Variants in NEURL2 observed in about 807,000 individuals in gnomAD.
The protein encoded by NEURL2 is neuralized-like protein 2.
In NEURL2, 16 loss-of-function variants were observed where a neutral mutation model predicts 15.9. That is an observed-to-expected ratio of 1.01 (90% CI 0.68 to 1.53). The LOEUF is 1.53. Among genes scored for constraint, NEURL2 ranks in the 40% most tolerant of loss-of-function variants. NEURL2 has a pLI of 0.00. For missense variants in NEURL2, 393 were observed against 407.8 expected, an observed-to-expected ratio of 0.96 and a Z score of 0.31; for synonymous variants, 188 against 178.3, an observed-to-expected ratio of 1.05 and a Z score of -0.43.
In NEURL2 at chr20:45,890,454, C is replaced by A; in HGVS notation, c.538G>T (p.Val180Leu). The change falls in exon 1 of 2, where the codon GTG becomes TTG. Residue 180 changes from valine (V) to leucine (L), a missense_variant. Coordinates refer to ENST00000372518, the MANE Select transcript of NEURL2 (RefSeq NM_080749.4). ...CTACGGCGCGCGGTCGGAGGCAGCA[C>A]GTTCAGCTCATAGAGCTGGTCCAAG... ...HLLDQLYELN[V>L]LPPTARRSRL... 6.2e-7 allele frequency: 1 copy of A among 1,606,380 alleles called. No individual in the cohort carries two copies. The highest frequency in any genetic ancestry group is 8.5e-7 in the Non-Finnish European group (1 of 1,176,352).
chr20:45,889,639 A>G (rs1283253802), intron 1 of NEURL2, among the ~76,000 whole-genome samples: 1 of 129,796 alleles, frequency 7.7e-6, no homozygotes, highest in Non-Finnish European at 1.7e-5. Context: ...TTTTTTTCAG[A>G]GTCTTGCTCT....
Position 45,890,212 on chromosome 20 carries a change from C to T in NEURL2, c.742+38G>A, listed in dbSNP as rs202234798. The T allele has an allele frequency of 9.7e-4, 1,557 of 1,612,850 alleles. 1 individual carries two copies. Among genetic ancestry groups the T allele is most frequent in the Non-Finnish European group, 1.2e-3 (1,369 of 1,179,214 alleles). On this transcript the variant is annotated intron_variant, in intron 1 of 1. Coordinates refer to ENST00000372518, the MANE Select transcript of NEURL2 (RefSeq NM_080749.4). ...GAGCCCTAGTAGATTCCAGTCCCCA[C>T]ACTGAGCCAGGAGGGGTCGCTGCCC...
chr20:45,888,945 G>C, intron 1 of NEURL2, 72 bp from the exon 2 acceptor site: 1 of 1,577,372 alleles, frequency 6.3e-7, no homozygotes, highest in Non-Finnish European at 8.7e-7. Flanking sequence ...AGAAGGTCTA[G>C]GTCATGGTCC....
rs370766713 is a variant in NEURL2 at position 45,890,768 on chromosome 20, A to G, written c.224T>C (p.Leu75Pro). 1 of 1,610,992 alleles carries G rather than the reference A, an allele frequency of 6.2e-7. No homozygotes were observed. The highest frequency in any genetic ancestry group is 1.1e-5 in the South Asian group (1 of 90,954). Residue 75 changes from leucine (L) to proline (P), a missense_variant, in exon 1 of 2, where the codon CTG (leucine) becomes CCG (proline). Leu to Pro is a moderately conservative substitution (Grantham distance 98, BLOSUM62 -3). Coordinates refer to ENST00000372518, the MANE Select transcript of NEURL2 (RefSeq NM_080749.4). ...GAGACGCAGATGTCCGCACCAGCCC[A>G]GCTCTTTCTCCTCGATCTCGACCAG... ...VFLVEIEEKE[L>P]GWCGHLRLGL...
In NEURL2 at chr20:45,890,260, G is replaced by T; in HGVS notation, c.732C>A (p.Leu244=). ...ASTKSVRLVQ[L]EYGLPSLQTL... is the part of the protein sequence containing the mutation. Reference sequence around the variant, plus strand: ...CCCAGGGATACCTACAGCCATACTCGAGCTGGACAAGGCGCACGCTCTTTG... The same window carrying T: ...CCCAGGGATACCTACAGCCATACTCTAGCTGGACAAGGCGCACGCTCTTTG... Residue 244 remains leucine, a synonymous_variant, in exon 1 of 2, where the codon CTC becomes CTA. Transcript: ENST00000372518. 3 of 1,613,770 alleles carry T rather than the reference G, an allele frequency of 1.9e-6. No individual in the cohort carries two copies. The highest frequency in any genetic ancestry group is 1.7e-5 in the Admixed American group (1 of 60,024).
In NEURL2 at chr20:45,891,164, C is replaced by T. The variant is rs1986814580; in HGVS notation, c.-173G>A. On this transcript the variant is annotated 5_prime_UTR_variant, in exon 1 of 2. It introduces an in-frame stop codon into an upstream open reading frame of the 5' UTR. Coordinates refer to ENST00000372518, the MANE Select transcript of NEURL2 (RefSeq NM_080749.4). The surrounding 1 kb of genome is among the most constrained non-coding windows in gnomAD (Gnocchi z 4.6). ...GCCATCCCGCCTACAACTTAGCCGT[C>T]CACAACAGGATCATCTGATCGCGTG... 2.0e-6 allele frequency: 2 copies of T among 1,012,960 alleles called. No homozygotes were observed. Among genetic ancestry groups the T allele is most frequent in the African/African-American group, 1.6e-5 (1 of 62,676 alleles). The allele number at this position is 1,012,960 out of a possible 1,614,324, so 62.7% of individuals were successfully genotyped here. A position where few individuals can be genotyped will look rare whatever the true frequency, so the allele number is the denominator to read the frequency against.
intron 1 of NEURL2, among the ~76,000 whole-genome samples, chr20:45,889,910 G>C (rs888576831): frequency 6.6e-6 from 1 of 152,148 alleles, no homozygotes; most frequent in Admixed American, 6.6e-5. Context: ...CACTGTGCCC[G>C]GCCAAGCATG....
rs1986699922 is a variant in NEURL2, at chr20:45,890,306, A to G, written c.686T>C (p.Val229Ala). 1.2e-6 allele frequency: 2 copies of G among 1,613,300 alleles called. No individual in the cohort carries two copies. The highest frequency in any genetic ancestry group is 1.7e-5 in the Admixed American group (1 of 60,002). ...CTTTGTGGAAGCAAACACGTCCACCACCGCGTAGAGGGGCTGCGCAGCTGG... is the reference window on the plus strand; with the variant it reads ...CTTTGTGGAAGCAAACACGTCCACCGCCGCGTAGAGGGGCTGCGCAGCTGG... ...GLPAAQPLYAVVDVFASTKSV... is the reference protein window; with the variant it reads ...GLPAAQPLYAAVDVFASTKSV... The change falls in exon 1 of 2, where the codon GTG (valine) becomes GCG (alanine). Residue 229 changes from valine (V) to alanine (A), a missense_variant. Coordinates refer to ENST00000372518, the MANE Select transcript of NEURL2 (RefSeq NM_080749.4).
At chr20:45,889,953 G>A (rs1986671124) in intron 1 of NEURL2, among the ~76,000 whole-genome samples, 1 of 152,114 alleles carries the variant, frequency 6.6e-6, no homozygotes, top group African/African-American at 2.4e-5. Context: ...TTCTCAAAGA[G>A]GCCCCTAATA....
rs752019187 is a variant in NEURL2, at chr20:45,890,533, G to A, written c.459C>T (p.Arg153=). 5.6e-6 allele frequency: 9 copies of A among 1,607,756 alleles called. No individual in the cohort carries two copies. In the South Asian group the frequency reaches 1.0e-4, roughly 18 times the overall value. ...GGCCCACCAGGCGGTCCCGGGGAAT[G>A]CGAAACTGCTCAATGCGCAGATATG... ...VEPYLRIEQF[R]IPRDRLVGRS... Residue 153 remains arginine, a synonymous_variant, in exon 1 of 2, where the codon CGC becomes CGT. Coordinates refer to ENST00000372518, the MANE Select transcript of NEURL2 (RefSeq NM_080749.4).
In NEURL2 at chr20:45,891,023, G is replaced by T; in HGVS notation, c.-32C>A. ...GCCATAGGGCAGGCCAGCTGGCGCC[G>T]GGGGCTATTTTGGGCGGCGGGCAAT... On this transcript the variant is annotated 5_prime_UTR_variant, in exon 1 of 2. Coordinates refer to ENST00000372518, the MANE Select transcript of NEURL2 (RefSeq NM_080749.4). This position sits in a 1 kb window ranked among gnomAD's most constrained non-coding sequence, Gnocchi z 4.6. 6.9e-7 allele frequency: 1 copy of T among 1,456,340 alleles called. No individual in the cohort carries two copies. The highest frequency in any genetic ancestry group is 9.1e-7 in the Non-Finnish European group (1 of 1,104,066). 90.2% of individuals were successfully genotyped at this position (1,456,340 alleles called of 1,614,324 possible). A position where few individuals can be genotyped will look rare whatever the true frequency, so the allele number is the denominator to read the frequency against.
chr20:45,890,434 G>T lies in NEURL2; in HGVS notation c.558C>A (p.Arg186=). The change falls in exon 1 of 2, where the codon CGC becomes CGA. Residue 186 remains arginine, a synonymous_variant. Coordinates refer to ENST00000372518, the MANE Select transcript of NEURL2 (RefSeq NM_080749.4). ...YELNVLPPTA[R]RSRLGVLFCP... ...AAAAGAGGACACCCAGGCGGCTACG[G>T]CGCGCGGTCGGAGGCAGCACGTTCA... 1 of 1,610,236 alleles carries T rather than the reference G, an allele frequency of 6.2e-7. No individual in the cohort carries two copies. The highest frequency in any genetic ancestry group is 8.5e-7 in the Non-Finnish European group (1 of 1,178,314).
chr20:45,890,850 T>C lies in NEURL2; in HGVS notation c.142A>G (p.Ser48Gly). The C allele has an allele frequency of 1.3e-6, 2 of 1,567,646 alleles. No individual in the cohort carries two copies. The highest frequency in any genetic ancestry group is 1.2e-5 in the South Asian group (1 of 85,908). ...CTGAAGCACACGCCGTGGGCGAAGC[T>C]CTCCACGCGTGTGGCCCGCGTCCCA... ...PSGTRATRVE[S>G]FAHGVCFSRE... Residue 48 changes from serine (S) to glycine (G), a missense_variant, in exon 1 of 2, where the codon AGC (serine) becomes GGC (glycine). By Grantham distance (56) the Ser-to-Gly change is moderately conservative. Transcript: ENST00000372518.
rs753831693 is a variant in NEURL2 at position 45,890,997 on chromosome 20, G to T, written c.-6C>A. 1 of 1,479,864 alleles carries T rather than the reference G, an allele frequency of 6.8e-7. No homozygotes were observed. The highest frequency in any genetic ancestry group is 9.0e-7 in the Non-Finnish European group (1 of 1,115,146). The allele number at this position is 1,479,864 out of a possible 1,614,324, so 91.7% of individuals were successfully genotyped here. A position where few individuals can be genotyped will look rare whatever the true frequency, so the allele number is the denominator to read the frequency against. On this transcript the variant is annotated 5_prime_UTR_variant, in exon 1 of 2. Transcript: ENST00000372518. ...GGCTCGGAGGCAGCAGCCATCTCTC[G>T]GCCATAGGGCAGGCCAGCTGGCGCC...
chr20:45,891,166 ACAACAGG>A lies in NEURL2; in HGVS notation c.-182_-176del. 9.8e-7 allele frequency: 1 copy of A among 1,016,354 alleles called. No individual in the cohort carries two copies. Among genetic ancestry groups the A allele is most frequent in the Non-Finnish European group, 1.5e-6 (1 of 684,426 alleles). 63.0% of individuals were successfully genotyped at this position (1,016,354 alleles called of 1,614,324 possible). A position where few individuals can be genotyped will look rare whatever the true frequency, so the allele number is the denominator to read the frequency against. ...CATCCCGCCTACAACTTAGCCGTCC[ACAACAGG>A]ATCATCTGATCGCGTGCGCCCGGGC... On this transcript the variant is annotated 5_prime_UTR_variant, in exon 1 of 2. It removes the in-frame stop codon of an upstream open reading frame in the 5' UTR. Transcript: ENST00000372518. The surrounding 1 kb of genome is among the most constrained non-coding windows in gnomAD (Gnocchi z 4.6).
intron 1 of NEURL2, 72 bp from the exon 2 acceptor site, chr20:45,888,945 G>A (rs932605816): frequency 6.3e-7 from 1 of 1,577,372 alleles, no homozygotes; most frequent in Non-Finnish European, 8.7e-7. Context: ...AGAAGGTCTA[G>A]GTCATGGTCC....
rs1359539327 is a variant in NEURL2 at position 45,890,488 on chromosome 20, G to A, written c.504C>T (p.Tyr168=). 28 of 1,598,474 alleles carry A rather than the reference G, an allele frequency of 1.8e-5. No homozygotes were observed. Among genetic ancestry groups the A allele is most frequent in the Non-Finnish European group, 2.3e-5 (27 of 1,172,008 alleles). Residue 168 remains tyrosine, a synonymous_variant, in exon 1 of 2, where the codon TAC becomes TAT. Coordinates refer to ENST00000372518, the MANE Select transcript of NEURL2 (RefSeq NM_080749.4). ...CATAGAGCTGGTCCAAGAGATGGCT[G>A]TAGAGCCCTGGCCGGCTGCGGCCCA... is the stretch of plus-strand genomic sequence containing the variant. The part of the protein sequence containing the change: ...RLVGRSRPGL[Y]SHLLDQLYEL...
chr20:45,888,638 G>T lies in NEURL2; in HGVS notation c.*120C>A. ...GGCAAGGAGACCTTCCAGTGATCAA[G>T]ATGTCAGCATCGGCTGTTTATTTCT... On this transcript the variant is annotated 3_prime_UTR_variant, in exon 2 of 2. Coordinates refer to ENST00000372518, the MANE Select transcript of NEURL2 (RefSeq NM_080749.4). 1.1e-6 allele frequency: 1 copy of T among 905,152 alleles called. No individual in the cohort carries two copies. The allele number at this position is 905,152 out of a possible 1,614,324, so 56.1% of individuals were successfully genotyped here. A position where few individuals can be genotyped will look rare whatever the true frequency, so the allele number is the denominator to read the frequency against.
Position 45,890,712 on chromosome 20 carries a change from C to G in NEURL2, c.280G>C (p.Ala94Pro), listed in dbSNP as rs768208937. 6.2e-7 allele frequency: 1 copy of G among 1,613,750 alleles called. No individual in the cohort carries two copies. The change falls in exon 1 of 2, where the codon GCC becomes CCC. Residue 94 changes from alanine (A) to proline (P), a missense_variant. Transcript: ENST00000372518. Reference sequence around the variant, plus strand: ...GGCAGAGAAAACTCGGGAACGGGGGCCAGACTGGCGGGGTCCAGCGCGGTC... The same window carrying G: ...GGCAGAGAAAACTCGGGAACGGGGGGCAGACTGGCGGGGTCCAGCGCGGTC... ...GLTALDPASLAPVPEFSLPDL... is the reference protein window; with the variant it reads ...GLTALDPASLPPVPEFSLPDL...
Sources: allele counts gnomAD v4.1 joint callset (sites outside exome capture counted in the v4.1 genomes callset), GRCh38; gene constraint gnomAD v4.1.1; non-coding constraint Gnocchi (gnomAD v3.1); transcripts MANE v1.5; gene names NCBI Gene and HGNC (gene_info 2026-07-23, HGNC 2026-07-21).